POU2F2: variants seen among roughly 807,000 people sequenced by gnomAD.
The protein encoded by POU2F2 is POU class 2 homeobox 2, also known as POU domain, class 2, transcription factor 2.
In POU2F2, 14 loss-of-function variants were observed where a neutral mutation model predicts 63.5. The observed-to-expected ratio is 0.22, with a 90% confidence interval of 0.15 to 0.34. POU2F2 has a LOEUF of 0.34. Ranked by LOEUF, POU2F2 falls within the 10% of genes least tolerant of loss-of-function variation. POU2F2 has a pLI of 1.00. For missense variants in POU2F2, 607 were observed against 815.2 expected, an observed-to-expected ratio of 0.74 and a Z score of 3.11; for synonymous variants, 306 against 348.6, an observed-to-expected ratio of 0.88 and a Z score of 1.36.
rs981837908 is a variant in POU2F2 at position 42,155,070 on chromosome 19, G to T, written c.-9+5262C>A. 9.2e-5 allele frequency among the ~76,000 whole-genome samples: 14 copies of T among 152,208 alleles called. No homozygotes were observed. Among genetic ancestry groups the T allele is most frequent in the Admixed American group, 7.2e-4 (11 of 15,288 alleles). On this transcript the variant is annotated intron_variant, in intron 2 of 6. Coordinates refer to the POU2F2 transcript ENST00000524801. The surrounding 1 kb of genome is among the most constrained non-coding windows in gnomAD (Gnocchi z 4.2). The stretch of plus-strand genomic sequence containing the variant: ...TCTGCCAGGCATGGCCAGCCTGGGG[G>T]GTGGGGGGCCAGGTGTGAGGTCCTT...
intron 2 of POU2F2, among the ~76,000 whole-genome samples, chr19:42,154,173 T>C (rs1002549338): frequency 7.3e-6 from 1 of 137,130 alleles, no homozygotes; most frequent in African/African-American, 2.8e-5. Context: ...GATGTGAGTG[T>C]GGGTGTTAGA....
intron 1 of POU2F2, chr19:42,160,503 GC>G (rs2034533067): frequency 6.6e-6 from 1 of 152,230 alleles, no homozygotes; most frequent in Non-Finnish European, 1.5e-5. Context: ...ATCAGGAGCT[GC>G]AGTTGGCTAA....
rs769704306 is a variant in POU2F2 at position 42,169,768 on chromosome 19, G to C, written c.-70+6195C>G. On this transcript the variant is annotated intron_variant, in intron 1 of 6. Coordinates refer to the POU2F2 transcript ENST00000524801. The surrounding 1 kb of genome is among the most constrained non-coding windows in gnomAD (Gnocchi z 4.3). The stretch of plus-strand genomic sequence containing the variant: ...CACGTGTGTGTGTGCGTGTGTGTGT[G>C]TGTCGGGGTGATATAAACACATGTG... Among the ~76,000 whole-genome samples, 1 of 152,116 alleles carries C rather than the reference G, an allele frequency of 6.6e-6. No homozygotes were observed. The highest frequency in any genetic ancestry group is 1.5e-5 in the Non-Finnish European group (1 of 68,018).
upstream of POU2F2, among the ~76,000 whole-genome samples, chr19:42,136,294 C>A (rs1026396946): frequency 1.3e-5 from 2 of 151,516 alleles, no homozygotes; most frequent in Admixed American, 1.3e-4. Context: ...ATGCCATCCT[C>A]CCACCTCAGC....
Position 42,095,274 on chromosome 19 carries a change from G to A in POU2F2, c.1197+12C>T. 1 of 1,609,712 alleles carries A rather than the reference G, an allele frequency of 6.2e-7. No individual in the cohort carries two copies. The highest frequency in any genetic ancestry group is 1.1e-5 in the South Asian group (1 of 90,694). ...CTGTGGTCTCCCCACCCCCCAGGCG[G>A]GCTCTTGGTACCATATGGGGGCTGT... On this transcript the variant is annotated intron_variant, in intron 11 of 14. Coordinates refer to ENST00000692977, the MANE Select transcript of POU2F2 (RefSeq NM_001394376.1). This position sits in a 1 kb window ranked among gnomAD's most constrained non-coding sequence, Gnocchi z 7.1.
rs187067917 is a variant in POU2F2 at position 42,191,363 on chromosome 19, C to G, written c.-70+5020G>C. Reference sequence around the variant, plus strand: ...ACAGTGGCTGTGCCCCTCCACAACTCCAGCTCCTCTCAGGCATGTTCCATG... The same window carrying G: ...ACAGTGGCTGTGCCCCTCCACAACTGCAGCTCCTCTCAGGCATGTTCCATG... On this transcript the variant is annotated intron_variant, in intron 1 of 5. Transcript: ENST00000532176. Among the ~76,000 whole-genome samples, 433 of 152,302 alleles carry G rather than the reference C, an allele frequency of 2.8e-3. 1 individual carries two copies. The highest frequency in any genetic ancestry group is 4.8e-3 in the Non-Finnish European group (326 of 68,022).
At chr19:42,148,946 A>G (rs2034286619) in intron 2 of POU2F2, among the ~76,000 whole-genome samples, 1 of 151,678 alleles carries the variant, frequency 6.6e-6, no homozygotes, top group South Asian at 2.1e-4. Context: ...CCTCGCTCCC[A>G]CCCAGACCGA....
At chr19:42,097,670 C>T (rs936836174) in intron 7 of POU2F2, among the ~76,000 whole-genome samples, 6 of 151,982 alleles carry the variant, frequency 3.9e-5, no homozygotes, top group Admixed American at 6.6e-5. Context: ...ATTAACCAAG[C>T]ATGTGGGGCG....
intron 1 of POU2F2, among the ~76,000 whole-genome samples, chr19:42,170,155 C>T (rs901840991): frequency 1.3e-5 from 2 of 152,136 alleles, no homozygotes; most frequent in African/African-American, 2.4e-5. Context: ...TGTGACCCCC[C>T]TCCAGAGGTC....
intron 5 of POU2F2, among the ~76,000 whole-genome samples, chr19:42,111,231 C>T (rs2031032027): frequency 6.6e-6 from 1 of 152,188 alleles, no homozygotes; most frequent in South Asian, 2.1e-4. Flanking sequence ...GATCCTCCTG[C>T]CTCAGCCTCT....
At chr19:42,111,504 G>A (rs1217249974) in intron 5 of POU2F2, among the ~76,000 whole-genome samples, 1 of 152,146 alleles carries the variant, frequency 6.6e-6, no homozygotes, top group Non-Finnish European at 1.5e-5. Context: ...CTGCTTAGTT[G>A]ATGTTCCCAT....
At chr19:42,116,838 A>AGAG (rs748467945) in intron 5 of POU2F2, 5 of 397,732 alleles carry the variant, frequency 1.3e-5, no homozygotes, top group South Asian at 3.6e-5. Context: ...AGGAGGAGGC[A>AGAG]GAGGAGGAGG....
chr19:42,180,893 T>A (rs2034952851), upstream of POU2F2, among the ~76,000 whole-genome samples: 1 of 146,792 alleles, frequency 6.8e-6, no homozygotes, highest in Non-Finnish European at 1.5e-5. Context: ...CACACCCATC[T>A]ATTTTTTTTT....
intron 5 of POU2F2, among the ~76,000 whole-genome samples, chr19:42,100,480 G>A (rs2077095276): frequency 6.6e-6 from 1 of 152,136 alleles, no homozygotes; most frequent in South Asian, 2.1e-4. Context: ...GCCGGGTGTG[G>A]TGACTCATGC....
intron 1 of POU2F2, among the ~76,000 whole-genome samples, chr19:42,182,139 G>A (rs2034967909): frequency 6.6e-6 from 1 of 152,066 alleles, no homozygotes; most frequent in African/African-American, 2.4e-5. Flanking sequence ...TTATTCAGGA[G>A]GCTGAGGCAC....
At position 42,095,237 on chromosome 19, in the gene POU2F2, G is replaced by A. The variant is rs1488772822; in HGVS notation, c.1197+49C>T. 9 of 1,567,508 alleles carry A rather than the reference G, an allele frequency of 5.7e-6. No homozygotes were observed. Among genetic ancestry groups the A allele is most frequent in the East Asian group, 2.3e-5 (1 of 43,690 alleles). ...CAGGTAGGGTGGGCTTCACACAGGT[G>A]CCTGCGGAGCTCTGTGGTCTCCCCA... On this transcript the variant is annotated intron_variant, in intron 11 of 14. Coordinates refer to ENST00000692977, the MANE Select transcript of POU2F2 (RefSeq NM_001394376.1). This position sits in a 1 kb window ranked among gnomAD's most constrained non-coding sequence, Gnocchi z 7.1.
rs1220102169 is a variant in POU2F2 at position 42,162,727 on chromosome 19, G to A, written c.-69-2335C>T. On this transcript the variant is annotated intron_variant, in intron 1 of 6. Transcript: ENST00000524801. The surrounding 1 kb of genome is among the most constrained non-coding windows in gnomAD (Gnocchi z 4.1). ...TGTGAGCTCCTTGAGGGCAAGGCAG[G>A]GCCTGGCTCCTTTGGGGGTCCGAAG... 1.3e-5 allele frequency among the ~76,000 whole-genome samples: 2 copies of A among 152,140 alleles called. No individual in the cohort carries two copies. The highest frequency in any genetic ancestry group is 4.8e-5 in the African/African-American group (2 of 41,428).
In POU2F2 at chr19:42,156,083, C is replaced by T. The variant is rs974584258; in HGVS notation, c.-9+4249G>A. 1 of 152,184 alleles carries T rather than the reference C, an allele frequency of 6.6e-6. No homozygotes were observed. The highest frequency in any genetic ancestry group is 1.5e-5 in the Non-Finnish European group (1 of 68,044). The allele number at this position is 152,184 out of a possible 1,614,324, so 9.4% of individuals were successfully genotyped here. On this transcript the variant is annotated intron_variant, in intron 2 of 6. Transcript: ENST00000524801. This position sits in a 1 kb window ranked among gnomAD's most constrained non-coding sequence, Gnocchi z 4.1. ...CTCTGCCTACCAGCCCTCACCAGTGCTTCGAAGAGCCCTGAGGAACGTCTC... is the reference window on the plus strand; with the variant it reads ...CTCTGCCTACCAGCCCTCACCAGTGTTTCGAAGAGCCCTGAGGAACGTCTC...
chr19:42,106,625 AACT>A (rs1159022054), intron 5 of POU2F2, among the ~76,000 whole-genome samples: 1 of 152,068 alleles, frequency 6.6e-6, no homozygotes, highest in African/African-American at 2.4e-5. Flanking sequence ...CTAAAATAAA[AACT>A]GGCTGGGCAC....
Sources: gnomAD v4.1 joint callset for allele counts (sites outside exome capture counted in the v4.1 genomes callset) on GRCh38, gnomAD v4.1.1 for gene constraint, Gnocchi (gnomAD v3.1) non-coding constraint, MANE v1.5 for transcripts, NCBI Gene and HGNC (gene_info 2026-07-23, HGNC 2026-07-21) for gene names.